FCRL5: variants seen among roughly 807,000 people sequenced by gnomAD.
FCRL5 encodes the protein Fc receptor like 5, also known as Fc receptor-like protein 5.
In FCRL5, 79 loss-of-function variants were observed where a neutral mutation model predicts 92.1. That is an observed-to-expected ratio of 0.86 (90% CI 0.72 to 1.03). The LOEUF is 1.03. Ranked by LOEUF, FCRL5 falls within the 50% of genes least tolerant of loss-of-function variation. The pLI is 0.00. For synonymous variants in FCRL5, 466 were observed against 469.3 expected (o/e 0.99, Z 0.09); for missense variants, 1,160 against 1,181.1 (o/e 0.98, Z 0.26).
At chr1:157,531,204 C>T (rs773994474) in intron 8 of FCRL5, among the ~76,000 whole-genome samples, 2 of 152,026 alleles carry the variant, frequency 1.3e-5, no homozygotes, top group Non-Finnish European at 2.9e-5. Context: ...AAATGGACAA[C>T]AGGTACATGA....
chr1:157,535,089 G>A (rs1650907034), intron 7 of FCRL5, among the ~76,000 whole-genome samples, 197 bp from the exon 8 acceptor site: 1 of 152,168 alleles, frequency 6.6e-6, no homozygotes. Context: ...CTTTCCAGGA[G>A]ACCAATACTC....
At chr1:157,523,826 A>ATT (rs1650304848) in intron 10 of FCRL5, 1 of 178,382 alleles carries the variant, frequency 5.6e-6, no homozygotes, top group Non-Finnish European at 1.2e-5. Context: ...TTAACATAGG[A>ATT]TTTTTAATGT....
At chr1:157,539,015 G>A (rs1651111375) in intron 7 of FCRL5, 71 bp downstream of exon 7, 1 of 1,515,414 alleles carries the variant, frequency 6.6e-7, no homozygotes, top group South Asian at 1.2e-5. Context: ...GGTACACGCT[G>A]ACTTCTGAAG....
intron 9 of FCRL5, among the ~76,000 whole-genome samples, chr1:157,527,105 A>G (rs140109053): frequency 6.6e-6 from 1 of 152,192 alleles, no homozygotes; most frequent in African/African-American, 2.4e-5. Flanking sequence ...TGAATGGAAC[A>G]GGAGCAGGTA....
chr1:157,537,184 C>G (rs1335400985), intron 7 of FCRL5, among the ~76,000 whole-genome samples: 23 of 152,174 alleles, frequency 1.5e-4, no homozygotes, highest in Non-Finnish European at 2.9e-5. Flanking sequence ...CTGGGTGGAA[C>G]AGAGTCATAT....
intron 7 of FCRL5, among the ~76,000 whole-genome samples, chr1:157,536,768 G>A (rs6682023): frequency 0.023 from 3,490 of 152,274 alleles, 122 homozygotes; most frequent in African/African-American, 0.078. Context: ...ATCTTGTTGC[G>A]GGAAGTCAGG....
intron 9 of FCRL5, among the ~76,000 whole-genome samples, chr1:157,527,059 C>A (rs779589037): frequency 6.6e-6 from 1 of 152,108 alleles, no homozygotes; most frequent in Non-Finnish European, 1.5e-5. Context: ...TAGGAGTCTG[C>A]CTGTGACAAG....
chr1:157,524,137 G>C (rs34888065), intron 10 of FCRL5, 142 bp downstream of exon 10: 2 of 759,238 alleles, frequency 2.6e-6, no homozygotes, highest in Non-Finnish European at 4.3e-6. Flanking sequence ...GACTTTCACA[G>C]GGAGGTTCTG....
In FCRL5 at chr1:157,518,296, A is replaced by T. The variant is rs573437746; in HGVS notation, c.2812+133T>A. 14 of 719,872 alleles carry T rather than the reference A, an allele frequency of 1.9e-5. No homozygotes were observed. In the Admixed American group the frequency reaches 2.6e-4, roughly 13 times the overall value. 44.6% of individuals were successfully genotyped at this position (719,872 alleles called of 1,614,324 possible). On this transcript the variant is annotated intron_variant, in intron 15 of 16. Transcript: ENST00000361835. ...TTCACCTGAAGCAGCATAGGCACAC[A>T]TAAAGAAGCCCCATGACCCAGTGGG... is the stretch of plus-strand genomic sequence containing the variant.
intron 3 of FCRL5, among the ~76,000 whole-genome samples, chr1:157,545,761 C>T (rs1255355385): frequency 2.6e-5 from 4 of 152,096 alleles, no homozygotes; most frequent in African/African-American, 9.7e-5. Context: ...ATCTCCTGAC[C>T]TCGTGATCCA....
rs1460226596 is a variant in FCRL5, at chr1:157,527,540, T to A, written c.1960+77A>T. On this transcript the variant is annotated intron_variant, in intron 9 of 16. Transcript: ENST00000361835. ...ACACAGCAAATGACTCTAGAAACTG[T>A]ACCTCTGATCTTGGCTACTGGTAAA... The A allele has an allele frequency of 6.4e-6, 9 of 1,412,794 alleles. No homozygotes were observed. The East Asian group carries it at 2.1e-4, about 33-fold the overall frequency. 87.5% of individuals were successfully genotyped at this position (1,412,794 alleles called of 1,614,324 possible). A position where few individuals can be genotyped will look rare whatever the true frequency, so the allele number is the denominator to read the frequency against.
In FCRL5 at chr1:157,542,875, C is replaced by T. The variant is rs1365901957; in HGVS notation, c.1107G>A (p.Val369=). ...AGGGCTTACCAGTGACTGAGAGGCT[C>T]ACAGCCTTACTGGGCTTGGCGCCAA... The part of the protein sequence containing the change: ...NGLGAKPSKA[V]SLSVTVPVSH... The change falls in exon 6 of 17, where the codon GTG becomes GTA. Residue 369 remains valine (V), a synonymous_variant. Coordinates refer to ENST00000361835, the MANE Select transcript of FCRL5 (RefSeq NM_031281.3). The T allele has an allele frequency of 1.2e-6, 2 of 1,612,624 alleles. No individual in the cohort carries two copies. Among genetic ancestry groups the T allele is most frequent in the East Asian group, 2.2e-5 (1 of 44,884 alleles).
intron 9 of FCRL5, among the ~76,000 whole-genome samples, chr1:157,525,421 A>G (rs1650384668): frequency 6.6e-6 from 1 of 152,250 alleles, no homozygotes; most frequent in Non-Finnish European, 1.5e-5. Context: ...AGATTCTGCA[A>G]ACTACCAAGA....
chr1:157,537,485 C>T lies in FCRL5; in HGVS notation c.1402+1601G>A, dbSNP rs142123004. Among the ~76,000 whole-genome samples the T allele has an allele frequency of 5.9e-3, 905 of 152,240 alleles. 5 individuals carry two copies. Among genetic ancestry groups the T allele is most frequent in the Middle Eastern group, 0.054 (16 of 294 alleles). On this transcript the variant is annotated intron_variant, in intron 7 of 16. Transcript: ENST00000361835. ...GATGTTATCAATGACAATGCGTGCCCGAAGCTTCATTAGCAATTTTAATTT... is the reference window on the plus strand; with the variant it reads ...GATGTTATCAATGACAATGCGTGCCTGAAGCTTCATTAGCAATTTTAATTT...
intron 12 of FCRL5, among the ~76,000 whole-genome samples, 173 bp from the exon 13 acceptor site, chr1:157,519,943 A>C (rs1350489431): frequency 6.6e-6 from 1 of 152,172 alleles, no homozygotes; most frequent in Non-Finnish European, 1.5e-5. Flanking sequence ...TGACCCTGCC[A>C]GAGGGGTTTG....
rs776294968 is a variant in FCRL5 at position 157,527,839 on chromosome 1, C to G, written c.1738G>C (p.Gly580Arg). 1 of 1,611,250 alleles carries G rather than the reference C, an allele frequency of 6.2e-7. No individual in the cohort carries two copies. The highest frequency in any genetic ancestry group is 8.5e-7 in the Non-Finnish European group (1 of 1,178,392). Reference sequence around the variant, plus strand: ...TCACAGTGAAGCTCCAGCAGGTCCCCCACCACAGCCTGGGCCCTGGGAACC... The same window carrying G: ...TCACAGTGAAGCTCCAGCAGGTCCCGCACCACAGCCTGGGCCCTGGGAACC... Reference protein sequence around the residue: ...LRVPRAQAVVGDLLELHCEAP... With the variant: ...LRVPRAQAVVRDLLELHCEAP... Residue 580 changes from glycine to arginine, a missense_variant, in exon 9 of 17, where the codon GGG becomes CGG. By Grantham distance (125) the Gly-to-Arg change is moderately radical (BLOSUM62 -2). Coordinates refer to ENST00000361835, the MANE Select transcript of FCRL5 (RefSeq NM_031281.3).
chr1:157,515,991 G>T, intron 15 of FCRL5, 118 bp from the exon 16 acceptor site: 1 of 1,108,762 alleles, frequency 9.0e-7, no homozygotes, highest in Non-Finnish European at 1.3e-6. Flanking sequence ...TGTGCGGTGA[G>T]TAGCCATTCC....
intron 6 of FCRL5, among the ~76,000 whole-genome samples, chr1:157,539,946 T>G (rs1230580597): frequency 6.6e-6 from 1 of 152,210 alleles, no homozygotes; most frequent in Admixed American, 6.5e-5. Context: ...CCTTTCACCT[T>G]TAAATATTGA....
At chr1:157,545,175 G>T (rs985927444) in intron 3 of FCRL5, 93 bp from the exon 4 acceptor site, 6 of 1,411,026 alleles carry the variant, frequency 4.3e-6, no homozygotes, top group Non-Finnish European at 5.7e-6. Flanking sequence ...TAAAAAAATG[G>T]GTTGGGAAAA....
Sources: allele counts gnomAD v4.1 joint callset (sites outside exome capture counted in the v4.1 genomes callset), GRCh38; gene constraint gnomAD v4.1.1; transcripts MANE v1.5; gene names NCBI Gene and HGNC (gene_info 2026-07-23, HGNC 2026-07-21).